The following CFAP96 variants were observed in gnomAD, a reference collection of about 807,000 sequenced individuals.
The protein encoded by CFAP96 is cilia-and flagella-associated protein 96.
the CFAP96 span, among the ~76,000 whole-genome samples, chr4:185,446,683 TTATA>T: frequency 1.3e-5 from 2 of 150,622 alleles, no homozygotes; most frequent in Non-Finnish European, 3.0e-5. Flanking sequence ...ATTTTAAATG[TTATA>T]TAGTTTGTTA....
chr4:185,413,340 A>G, the CFAP96 span, among the ~76,000 whole-genome samples: 1 of 152,164 alleles, frequency 6.6e-6, no homozygotes, highest in African/African-American at 2.4e-5. Context: ...GTGAGCTGAG[A>G]TCACACCATT....
chr4:185,422,225 T>C, the CFAP96 span, among the ~76,000 whole-genome samples: 1 of 152,256 alleles, frequency 6.6e-6, no homozygotes, highest in South Asian at 2.1e-4. Flanking sequence ...ATATTTACAT[T>C]TATTGTAACA....
At chr4:185,418,903 T>C in the CFAP96 span, 1 of 689,942 alleles carries the variant, frequency 1.4e-6, no homozygotes, top group South Asian at 3.2e-5. Context: ...AATTTCAAAA[T>C]TTTTTGCCTA....
chr4:185,422,925 C>A, the CFAP96 span, among the ~76,000 whole-genome samples: 58 of 152,268 alleles, frequency 3.8e-4, no homozygotes, highest in African/African-American at 1.3e-3. Flanking sequence ...GTGGCACAAT[C>A]TCAGCTCACT....
the CFAP96 span, chr4:185,429,395 C>G: frequency 2.7e-6 from 4 of 1,497,988 alleles, no homozygotes; most frequent in Non-Finnish European, 3.6e-6. Flanking sequence ...TAGAGAGTAC[C>G]ACCACCAGAC....
chr4:185,439,667 A>G, the CFAP96 span, among the ~76,000 whole-genome samples: 2 of 151,190 alleles, frequency 1.3e-5, no homozygotes, highest in Non-Finnish European at 2.9e-5. Context: ...AGATTACAAC[A>G]TAAGAGGAAA....
chr4:185,418,502 T>C, the CFAP96 span: 1 of 1,611,908 alleles, frequency 6.2e-7, no homozygotes, highest in Non-Finnish European at 8.5e-7. Context: ...TTCTTCTGGC[T>C]CAAATCTAAA....
the CFAP96 span, chr4:185,418,304 G>T: frequency 1.6e-6 from 1 of 620,692 alleles, no homozygotes; most frequent in Non-Finnish European, 2.6e-6. Context: ...TATAACTTTT[G>T]GCAAGTCATT....
the CFAP96 span, chr4:185,413,853 T>G: frequency 6.2e-7 from 1 of 1,606,918 alleles, no homozygotes; most frequent in East Asian, 2.2e-5. Flanking sequence ...GTGAGGCAGA[T>G]TGAAAAGATC....
At chr4:185,418,523 A>G in the CFAP96 span, 1 of 1,610,798 alleles carries the variant, frequency 6.2e-7, no homozygotes, top group South Asian at 1.1e-5. Flanking sequence ...TTTTTAATAC[A>G]CAGACATTTA....
At chr4:185,440,770 G>GGCCGGGCGTGGTGGCTCATGCCTGTAA in the CFAP96 span, 1 of 280,282 alleles carries the variant, frequency 3.6e-6, no homozygotes, top group Non-Finnish European at 5.8e-6. Context: ...AAGAAATACT[G>GGCCGGGCGTGGTGGCTCATGCCTGTAA]TCTCTTGCTA....
At chr4:185,413,971 A>G in the CFAP96 span, 1 of 1,093,356 alleles carries the variant, frequency 9.1e-7, no homozygotes. Context: ...AATTATATAT[A>G]GGTTATAAAA....
chr4:185,445,675 A>G, the CFAP96 span: 1 of 570,214 alleles, frequency 1.8e-6, no homozygotes, highest in Non-Finnish European at 3.0e-6. Context: ...AAACTGAAAA[A>G]GTTCTTTGGA....
At chr4:185,436,212 C>T in the CFAP96 span, 28 of 1,544,096 alleles carry the variant, frequency 1.8e-5, no homozygotes, top group Admixed American at 4.0e-5. Context: ...TTTGTCATAT[C>T]GTTTGTTTTG....
chr4:185,414,377 T>C, the CFAP96 span, among the ~76,000 whole-genome samples: 1 of 152,174 alleles, frequency 6.6e-6, no homozygotes, highest in African/African-American at 2.4e-5. Context: ...AATACACATA[T>C]ATGTTTAAAA....
chr4:185,420,491 A>G, the CFAP96 span, among the ~76,000 whole-genome samples: 1 of 152,118 alleles, frequency 6.6e-6, no homozygotes, highest in Non-Finnish European at 1.5e-5. Context: ...TTCTGCTGAA[A>G]GAGTATTTAA....
At chr4:185,416,269 G>A in the CFAP96 span, among the ~76,000 whole-genome samples, 7 of 152,320 alleles carry the variant, frequency 4.6e-5, no homozygotes, top group East Asian at 1.3e-3. Flanking sequence ...TAGGTTCACT[G>A]GGGTTCGTTA....
the CFAP96 span, among the ~76,000 whole-genome samples, chr4:185,431,287 C>G: frequency 6.6e-6 from 1 of 151,410 alleles, no homozygotes; most frequent in Non-Finnish European, 1.5e-5. Flanking sequence ...GTGTGCACTT[C>G]AAAAACTTCT....
the CFAP96 span, chr4:185,429,609 T>A: frequency 1.4e-6 from 1 of 712,088 alleles, no homozygotes; most frequent in Non-Finnish European, 2.3e-6. Context: ...TAATGGTTTA[T>A]ATTTTAAAGC....
Sources: allele counts gnomAD v4.1 joint callset (sites outside exome capture counted in the v4.1 genomes callset), GRCh38; gene constraint gnomAD v4.1.1; transcripts MANE v1.5; gene names NCBI Gene and HGNC (gene_info 2026-07-23, HGNC 2026-07-21).